The following DNAI4 variants were observed in gnomAD, a reference collection of about 807,000 sequenced individuals.
DNAI4 encodes the protein WD repeat domain 78.
Under a neutral mutation model 105.8 loss-of-function variants are expected in DNAI4, and 85 were observed. The observed-to-expected ratio is 0.80, with a 90% confidence interval of 0.67 to 0.96. The LOEUF is 0.96. Ranked by LOEUF, DNAI4 falls within the 40% of genes least tolerant of loss-of-function variation. The probability of loss-of-function intolerance (pLI) is 0.00; values close to 1 mark genes in which losing one functional copy is unlikely to be tolerated. For missense variants in DNAI4, 1,014 were observed against 1,005.6 expected, an observed-to-expected ratio of 1.01 and a Z score of -0.11; for synonymous variants, 352 against 331.5, an observed-to-expected ratio of 1.06 and a Z score of -0.67.
At chr1:66,815,502 T>A (rs1020629665) in intron 16 of DNAI4, among the ~76,000 whole-genome samples, 1 of 152,226 alleles carries the variant, frequency 6.6e-6, no homozygotes, top group African/African-American at 2.4e-5. Flanking sequence ...AATATTTCAG[T>A]TATCTTTTTA....
intron 2 of DNAI4, among the ~76,000 whole-genome samples, chr1:66,904,022 T>TGTATATATATATATGC (rs1553230125): frequency 2.6e-4 from 39 of 151,476 alleles, no homozygotes; most frequent in African/African-American, 9.2e-4. Flanking sequence ...TTTGTGTGTG[T>TGTATATATATATATGC]ATATATACAT....
intron 7 of DNAI4, among the ~76,000 whole-genome samples, chr1:66,851,060 T>A (rs1646386533): frequency 6.6e-6 from 1 of 151,592 alleles, no homozygotes; most frequent in African/African-American, 2.4e-5. Flanking sequence ...ACAAAAAAAA[T>A]TGGATTAAAA....
rs538418243 is a variant in DNAI4 at position 66,878,186 on chromosome 1, G to T, written c.644-3249C>A. On this transcript the variant is annotated intron_variant, in intron 4 of 16. Transcript: ENST00000371026. ...CTTCATTTATTCAATATTAGTTTGT[G>T]TTACTATGAACTCATGCGTATTTAT... Among the ~76,000 whole-genome samples, 4 of 152,090 alleles carry T rather than the reference G, an allele frequency of 2.6e-5. No individual in the cohort carries two copies. In the East Asian group the frequency reaches 7.7e-4, roughly 29 times the overall value.
Position 66,874,795 on chromosome 1 carries a change from T to C in DNAI4, c.786A>G (p.Glu262=). 6.2e-7 allele frequency: 1 copy of C among 1,607,044 alleles called. No individual in the cohort carries two copies. Among genetic ancestry groups the C allele is most frequent in the Non-Finnish European group, 8.5e-7 (1 of 1,178,206 alleles). The change falls in exon 5 of 17, where the codon GAA becomes GAG. Residue 262 remains glutamate (E), a synonymous_variant. Transcript: ENST00000371026. ...ACCATACATACGTTACTTTCTCAGC[T>C]TCTTCAGATTCTACAGAGACCATGA... ...PTVMVSVESE[E]AEKVTQRNKN...
At chr1:66,881,705 G>A (rs1647075219) in intron 4 of DNAI4, among the ~76,000 whole-genome samples, 1 of 152,210 alleles carries the variant, frequency 6.6e-6, no homozygotes, top group African/African-American at 2.4e-5. Context: ...GGACTTTTGA[G>A]TTAATGCTGA....
At chr1:66,852,599 G>A (rs1646419523) in intron 7 of DNAI4, among the ~76,000 whole-genome samples, 1 of 151,540 alleles carries the variant, frequency 6.6e-6, no homozygotes, top group Non-Finnish European at 1.5e-5. Flanking sequence ...CATACGTTTA[G>A]GCCAATGAAA....
chr1:66,892,010 T>C (rs1647697084), intron 3 of DNAI4, among the ~76,000 whole-genome samples: 1 of 152,230 alleles, frequency 6.6e-6, no homozygotes, highest in Admixed American at 6.5e-5. Context: ...TGTTCAAATG[T>C]CATCTTAAAA....
intron 2 of DNAI4, among the ~76,000 whole-genome samples, chr1:66,904,233 T>C (rs1649067184): frequency 6.6e-6 from 1 of 152,148 alleles, no homozygotes. Flanking sequence ...TCTTGGTAAA[T>C]ACCTAGACAT....
chr1:66,857,516 T>C (rs1367708792), intron 7 of DNAI4, among the ~76,000 whole-genome samples: 1 of 151,892 alleles, frequency 6.6e-6, no homozygotes, highest in Non-Finnish European at 1.5e-5. Context: ...AGAAATAATG[T>C]TAAAGACTCT....
intron 7 of DNAI4, among the ~76,000 whole-genome samples, chr1:66,853,318 C>T (rs183331785): frequency 1.3e-4 from 20 of 152,310 alleles, no homozygotes; most frequent in South Asian, 2.1e-4. Flanking sequence ...AAAGAAAACA[C>T]GGCTGAGTCA....
At chr1:66,858,146 A>G (rs1646541803) in intron 7 of DNAI4, among the ~76,000 whole-genome samples, 1 of 152,148 alleles carries the variant, frequency 6.6e-6, no homozygotes, top group Admixed American at 6.5e-5. Context: ...TTTCCAACTC[A>G]TTTTATTAGG....
chr1:66,843,578 A>C lies in DNAI4; in HGVS notation c.1292-2907T>G, dbSNP rs927134985. On this transcript the variant is annotated intron_variant, in intron 8 of 16. Transcript: ENST00000371026. ...AATTATGTCTCTCAATGGATCATGC[A>C]TTTGGTGTTGTATTTTAAAAGTCAT... Among the ~76,000 whole-genome samples, 9 of 152,218 alleles carry C rather than the reference A, an allele frequency of 5.9e-5. No homozygotes were observed. The East Asian group carries it at 1.5e-3, about 26-fold the overall frequency.
At chr1:66,821,696 G>A (rs1055698267) in intron 16 of DNAI4, among the ~76,000 whole-genome samples, 1 of 151,478 alleles carries the variant, frequency 6.6e-6, no homozygotes, top group Admixed American at 6.6e-5. Flanking sequence ...TTTTATTTAA[G>A]TCTTGGTGTT....
chr1:66,828,250 G>A (rs879708914), intron 13 of DNAI4: 2 of 157,028 alleles, frequency 1.3e-5, no homozygotes, highest in Non-Finnish European at 2.8e-5. Flanking sequence ...TAGCAGTCCA[G>A]GGAAATAGTA....
At chr1:66,852,354 G>A (rs950979412) in intron 7 of DNAI4, among the ~76,000 whole-genome samples, 1 of 151,680 alleles carries the variant, frequency 6.6e-6, no homozygotes, top group Non-Finnish European at 1.5e-5. Flanking sequence ...AAATAGAAAA[G>A]GAAAGAATAC....
intron 4 of DNAI4, among the ~76,000 whole-genome samples, chr1:66,876,684 C>T (rs948070913): frequency 6.6e-6 from 1 of 152,184 alleles, no homozygotes; most frequent in African/African-American, 2.4e-5. Context: ...CTGCCTATTT[C>T]ATGGGTCAGA....
chr1:66,852,601 C>T (rs1646419627), intron 7 of DNAI4, among the ~76,000 whole-genome samples: 1 of 151,398 alleles, frequency 6.6e-6, no homozygotes, highest in East Asian at 1.9e-4. Context: ...TACGTTTAGG[C>T]CAATGAAAAA....
At chr1:66,831,206 A>G (rs1645860509) in intron 13 of DNAI4, among the ~76,000 whole-genome samples, 1 of 152,046 alleles carries the variant, frequency 6.6e-6, no homozygotes, top group Non-Finnish European at 1.5e-5. Context: ...CCCCACAAAG[A>G]AAACTCCAGG....
intron 1 of DNAI4, among the ~76,000 whole-genome samples, chr1:66,914,958 A>G (rs1649957074): frequency 6.6e-6 from 1 of 152,236 alleles, no homozygotes. Context: ...CTTTAAAATT[A>G]CTGGTAAAGT....
Sources: allele counts gnomAD v4.1 joint callset (sites outside exome capture counted in the v4.1 genomes callset), GRCh38; gene constraint gnomAD v4.1.1; transcripts MANE v1.5; gene names NCBI Gene and HGNC (gene_info 2026-07-23, HGNC 2026-07-21).